Variants in KSR2 observed in about 807,000 individuals in gnomAD.
The protein encoded by KSR2 is kinase suppressor of ras 2.
Under a neutral mutation model 107.8 loss-of-function variants are expected in KSR2, and 25 were observed. That is an observed-to-expected ratio of 0.23 (90% CI 0.17 to 0.32). The LOEUF (loss-of-function observed/expected upper bound fraction) is 0.32, where lower values mean the gene tolerates loss of function less well. Ranked by LOEUF, KSR2 falls within the 10% of genes least tolerant of loss-of-function variation. The pLI is 1.00. For synonymous variants in KSR2, 480 were observed against 507.0 expected, an observed-to-expected ratio of 0.95 and a Z score of 0.71; for missense variants, 887 against 1,268.9, an observed-to-expected ratio of 0.70 and a Z score of 4.57.
intron 2 of KSR2, among the ~76,000 whole-genome samples, chr12:117,859,464 T>A (rs553447798): frequency 2.2e-4 from 32 of 148,376 alleles, no homozygotes; most frequent in East Asian, 1.6e-3. Flanking sequence ...TTTATTTATT[T>A]TTTTTTTTTT....
intron 9 of KSR2, among the ~76,000 whole-genome samples, chr12:117,553,742 C>T (rs708857): frequency 0.31 from 47,077 of 151,614 alleles, 7,667 homozygotes; most frequent in East Asian, 0.41. Flanking sequence ...CCTTTTTTTG[C>T]GGTAATGAGT....
intron 3 of KSR2, among the ~76,000 whole-genome samples, chr12:117,784,227 G>C (rs146473125): frequency 4.6e-5 from 7 of 152,262 alleles, no homozygotes; most frequent in Non-Finnish European, 1.0e-4. Flanking sequence ...GCCAGGGCCA[G>C]GTGGAGATGA....
chr12:117,642,988 G>T (rs115889335), intron 5 of KSR2, among the ~76,000 whole-genome samples: 1 of 152,120 alleles, frequency 6.6e-6, no homozygotes, highest in African/African-American at 2.4e-5. Flanking sequence ...TTTTAGACAG[G>T]ATTCTTTTAG....
At chr12:117,848,259 G>A (rs144559824) in intron 3 of KSR2, among the ~76,000 whole-genome samples, 8 of 152,344 alleles carry the variant, frequency 5.3e-5, no homozygotes, top group Admixed American at 1.3e-4. Context: ...CCACATCTCC[G>A]CCAGGCTCTC....
chr12:117,895,754 A>T (rs1028574300), intron 1 of KSR2, among the ~76,000 whole-genome samples: 1 of 152,176 alleles, frequency 6.6e-6, no homozygotes, highest in Non-Finnish European at 1.5e-5. Flanking sequence ...AACCAAAAAT[A>T]TCATATAAAA....
At chr12:117,813,354 C>A (rs1566028145) in intron 3 of KSR2, among the ~76,000 whole-genome samples, 1 of 152,076 alleles carries the variant, frequency 6.6e-6, no homozygotes, top group Non-Finnish European at 1.5e-5. Context: ...AGACAACCTA[C>A]GGAATGGCAG....
At chr12:117,607,533 T>G (rs1376132275) in intron 5 of KSR2, among the ~76,000 whole-genome samples, 1 of 152,106 alleles carries the variant, frequency 6.6e-6, no homozygotes, top group Non-Finnish European at 1.5e-5. Context: ...CATGCCTCCA[T>G]GGGCCCCCTT....
chr12:117,647,569 T>C (rs549554713), intron 5 of KSR2, among the ~76,000 whole-genome samples: 1 of 151,976 alleles, frequency 6.6e-6, no homozygotes, highest in East Asian at 1.9e-4. Context: ...AAGAGGTAAA[T>C]CCCCAAGGTG....
At chr12:117,681,713 G>C (rs1885369298) in intron 4 of KSR2, among the ~76,000 whole-genome samples, 1 of 152,136 alleles carries the variant, frequency 6.6e-6, no homozygotes, top group African/African-American at 2.4e-5. Flanking sequence ...TTTTGTATAA[G>C]GTGTAAGGAA....
chr12:117,868,749 TTTC>T (rs1222872025), intron 1 of KSR2, among the ~76,000 whole-genome samples: 1 of 97,022 alleles, frequency 1.0e-5, no homozygotes, highest in Non-Finnish European at 2.2e-5. Context: ...ATGCATATAT[TTTC>T]TTTTCTTTTT....
chr12:117,534,838 A>G (rs4767557), intron 10 of KSR2, among the ~76,000 whole-genome samples: 43,962 of 151,592 alleles, frequency 0.29, 6,686 homozygotes, highest in Admixed American at 0.45. Context: ...AGCAGAGGCC[A>G]GAATGAGGAG....
chr12:117,538,089 G>C (rs1876176527), intron 10 of KSR2, among the ~76,000 whole-genome samples: 2 of 128,222 alleles, frequency 1.6e-5, no homozygotes, highest in Admixed American at 8.6e-5. Flanking sequence ...GGTGGTCATG[G>C]GAAGTCTAAC....
At chr12:117,477,338 G>T (rs1871853352) in intron 16 of KSR2, among the ~76,000 whole-genome samples, 2 of 152,156 alleles carry the variant, frequency 1.3e-5, no homozygotes, top group Admixed American at 1.3e-4. Flanking sequence ...TGTTGATTTG[G>T]GGGATTACAA....
intron 5 of KSR2, among the ~76,000 whole-genome samples, chr12:117,658,883 G>A (rs1196460017): frequency 1.3e-5 from 2 of 152,104 alleles, no homozygotes; most frequent in Non-Finnish European, 2.9e-5. Context: ...AAGGCGTTAT[G>A]GTTTTTAGTC....
chr12:117,810,770 CTTTGTTTTGT>C (rs900461426), intron 3 of KSR2, among the ~76,000 whole-genome samples: 3 of 151,916 alleles, frequency 2.0e-5, no homozygotes, highest in Non-Finnish European at 4.4e-5. Flanking sequence ...TCCAGCTTGT[CTTTGTTTTGT>C]TTTGTTTTGT....
intron 4 of KSR2, among the ~76,000 whole-genome samples, chr12:117,687,323 C>T (rs1885615998): frequency 6.6e-6 from 1 of 152,118 alleles, no homozygotes; most frequent in South Asian, 2.1e-4. Flanking sequence ...ATAATTCAGT[C>T]GTGGCTCTCC....
At chr12:117,803,209 C>G (rs1433713053) in intron 3 of KSR2, among the ~76,000 whole-genome samples, 1 of 152,208 alleles carries the variant, frequency 6.6e-6, no homozygotes, top group Non-Finnish European at 1.5e-5. Context: ...GGACTTCAGC[C>G]TCTCCTTTAT....
chr12:117,850,682 C>A (rs376839592), intron 3 of KSR2, among the ~76,000 whole-genome samples: 4 of 151,986 alleles, frequency 2.6e-5, no homozygotes, highest in African/African-American at 9.7e-5. Context: ...TGGTGGCACA[C>A]GCCTGTAGTC....
intron 14 of KSR2, among the ~76,000 whole-genome samples, chr12:117,524,413 C>G: frequency 6.6e-6 from 1 of 152,156 alleles, no homozygotes. Context: ...GGCCTGTAAT[C>G]CCAGCAGTCT....
Sources: allele counts gnomAD v4.1 joint callset (sites outside exome capture counted in the v4.1 genomes callset), GRCh38; gene constraint gnomAD v4.1.1; transcripts MANE v1.5; gene names NCBI Gene and HGNC (gene_info 2026-07-23, HGNC 2026-07-21).